The following MYO18B variants were observed in gnomAD, a reference collection of about 807,000 sequenced individuals.
The protein encoded by MYO18B is myosin XVIIIB, also known as unconventional myosin-XVIIIb.
MYO18B carries 204 observed loss-of-function variants against 273.0 expected under a neutral mutation model. The ratio of observed to expected loss-of-function variants is 0.75; its 90% CI spans 0.67 to 0.84. MYO18B has a LOEUF of 0.84. Ranked by LOEUF, MYO18B falls within the 40% of genes least tolerant of loss-of-function variation. The pLI, the probability that MYO18B is intolerant of heterozygous loss-of-function variation, is 0.00. For missense variants in MYO18B, 3,212 were observed against 3,287.6 expected, an observed-to-expected ratio of 0.98 and a Z score of 0.56; for synonymous variants, 1,330 against 1,305.7, an observed-to-expected ratio of 1.02 and a Z score of -0.40.
chr22:25,936,688 A>G (rs922286846), intron 34 of MYO18B, among the ~76,000 whole-genome samples: 1 of 152,220 alleles, frequency 6.6e-6, no homozygotes, highest in Non-Finnish European at 1.5e-5. Context: ...TTTATTTATT[A>G]TAGTTCTGGA....
chr22:25,778,680 T>C (rs1188501977), intron 8 of MYO18B, among the ~76,000 whole-genome samples: 1 of 151,956 alleles, frequency 6.6e-6, no homozygotes, highest in Non-Finnish European at 1.5e-5. Flanking sequence ...TTTGTAGAGA[T>C]GGGGCTTCAC....
chr22:25,849,754 C>G (rs1257940976), intron 20 of MYO18B, among the ~76,000 whole-genome samples: 4 of 152,336 alleles, frequency 2.6e-5, no homozygotes, highest in African/African-American at 9.6e-5. Flanking sequence ...TCCCTGTCCT[C>G]TCCTATAATA....
intron 12 of MYO18B, among the ~76,000 whole-genome samples, chr22:25,806,679 C>T (rs2088494729): frequency 6.6e-6 from 1 of 152,232 alleles, no homozygotes; most frequent in South Asian, 2.1e-4. Flanking sequence ...CAAGCTCATG[C>T]TTCTCTCCTT....
chr22:26,004,206 G>A (rs1934228317), intron 41 of MYO18B, among the ~76,000 whole-genome samples: 1 of 151,998 alleles, frequency 6.6e-6, no homozygotes, highest in Admixed American at 6.6e-5. Flanking sequence ...TCTCATTGAG[G>A]ACCTGTGACG....
chr22:26,049,461 T>C, the MYO18B span, among the ~76,000 whole-genome samples: 7,017 of 152,312 alleles, frequency 0.046, 274 homozygotes, highest in East Asian at 0.14. Flanking sequence ...TATTTAAGCA[T>C]TGGGGAGTAC....
At chr22:25,856,085 C>A (rs1157718835) in intron 21 of MYO18B, among the ~76,000 whole-genome samples, 1 of 152,138 alleles carries the variant, frequency 6.6e-6, no homozygotes, top group Non-Finnish European at 1.5e-5. Context: ...TATGGTAATT[C>A]TATTTTAAAT....
intron 12 of MYO18B, among the ~76,000 whole-genome samples, chr22:25,823,008 T>A (rs1477499054): frequency 6.6e-6 from 1 of 152,154 alleles, no homozygotes; most frequent in Non-Finnish European, 1.5e-5. Flanking sequence ...CTTACTTCTG[T>A]TTGTTTCCAA....
At chr22:25,826,672 A>C (rs901718530) in intron 14 of MYO18B, among the ~76,000 whole-genome samples, 173 bp downstream of exon 14, 4 of 152,190 alleles carry the variant, frequency 2.6e-5, no homozygotes, top group Non-Finnish European at 5.9e-5. Context: ...GAGGTCGGCA[A>C]ATCAGTTCAC....
At chr22:25,973,078 A>G (rs948553715) in intron 39 of MYO18B, among the ~76,000 whole-genome samples, 2 of 151,804 alleles carry the variant, frequency 1.3e-5, no homozygotes, top group Admixed American at 1.3e-4. Context: ...TTTTGCTTCT[A>G]GATCTTGTTT....
At chr22:25,930,141 C>A (rs2092477524) in intron 34 of MYO18B, among the ~76,000 whole-genome samples, 1 of 152,152 alleles carries the variant, frequency 6.6e-6, no homozygotes, top group Non-Finnish European at 1.5e-5. Context: ...TGATAAGCAT[C>A]TAAGCATTCT....
chr22:25,769,213 G>C lies in MYO18B; in HGVS notation c.1297G>C (p.Gly433Arg). Residue 433 changes from glycine (G) to arginine (R), a missense_variant, in exon 4 of 44, where the codon GGG (glycine) becomes CGG (arginine). Physicochemically the swap from Gly to Arg is moderately radical, Grantham distance 125. Transcript: ENST00000335473. ...AATGGTGGAGTCGCCAGCAGCTCCT[G>C]GGAAGGGAGGCTGGCCAGGAAGCCG... The part of the protein sequence containing the change: ...STMVESPAAP[G>R]KGGWPGSRGQ... The C allele has an allele frequency of 6.2e-7, 1 of 1,605,328 alleles. No homozygotes were observed. Among genetic ancestry groups the C allele is most frequent in the African/African-American group, 1.3e-5 (1 of 74,912 alleles).
intron 39 of MYO18B, among the ~76,000 whole-genome samples, chr22:25,971,165 G>T (rs767749566): frequency 5.3e-5 from 8 of 152,226 alleles, no homozygotes; most frequent in Non-Finnish European, 1.0e-4. Context: ...ATAGATGAGC[G>T]TGGTTATGTT....
At chr22:25,829,047 A>G (rs1569079014) in intron 15 of MYO18B, 79 bp downstream of exon 15, 3 of 1,450,518 alleles carry the variant, frequency 2.1e-6, no homozygotes, top group East Asian at 4.7e-5. Context: ...TGGGATTCCC[A>G]TTCCCCAGGA....
At chr22:25,926,030 C>T (rs1192041619) in intron 34 of MYO18B, among the ~76,000 whole-genome samples, 1 of 151,464 alleles carries the variant, frequency 6.6e-6, no homozygotes, top group African/African-American at 2.4e-5. Context: ...ATGGTGAAAC[C>T]CTGTCTCTAC....
the MYO18B span, among the ~76,000 whole-genome samples, chr22:26,041,357 A>C: frequency 1.4e-5 from 2 of 146,870 alleles, no homozygotes; most frequent in African/African-American, 2.5e-5. Flanking sequence ...TCTACCAAAA[A>C]AAAAAAAAAA....
chr22:25,753,743 T>C (rs551500262), intron 1 of MYO18B, among the ~76,000 whole-genome samples: 37 of 152,254 alleles, frequency 2.4e-4, no homozygotes, highest in African/African-American at 8.4e-4. Flanking sequence ...CGCGAAGGCC[T>C]GCAGCTTTAC....
chr22:25,969,746 A>G (rs1001084528), intron 39 of MYO18B, among the ~76,000 whole-genome samples: 1 of 152,230 alleles, frequency 6.6e-6, no homozygotes, highest in African/African-American at 2.4e-5. Flanking sequence ...CAGTTCCATC[A>G]TGTCCTTACT....
chr22:25,957,448 C>T (rs1285209943), intron 39 of MYO18B, among the ~76,000 whole-genome samples: 1 of 152,242 alleles, frequency 6.6e-6, no homozygotes, highest in East Asian at 1.9e-4. Flanking sequence ...AGACCTGCAT[C>T]TGTCTCCAAT....
chr22:26,011,157 G>A (rs1236564567), intron 42 of MYO18B, among the ~76,000 whole-genome samples: 1 of 151,180 alleles, frequency 6.6e-6, no homozygotes, highest in African/African-American at 2.4e-5. Flanking sequence ...TCTCTGCTCT[G>A]CTGTCTTCTA....
Sources: gnomAD v4.1 joint callset for allele counts (sites outside exome capture counted in the v4.1 genomes callset) on GRCh38, gnomAD v4.1.1 for gene constraint, MANE v1.5 for transcripts, NCBI Gene and HGNC (gene_info 2026-07-23, HGNC 2026-07-21) for gene names.